NTM: variants seen among roughly 807,000 people sequenced by gnomAD.
NTM encodes the protein IgLON family member 2.
A neutral mutation model predicts 42.1 loss-of-function variants in NTM; 13 were observed. The ratio of observed to expected loss-of-function variants is 0.31; its 90% CI spans 0.20 to 0.49. NTM has a LOEUF of 0.49. NTM is among the 20% of genes least tolerant of loss of function. The probability of loss-of-function intolerance (pLI) is 0.99; values close to 1 mark genes in which losing one functional copy is unlikely to be tolerated. For synonymous variants in NTM, 187 were observed against 179.2 expected, an observed-to-expected ratio of 1.04 and a Z score of -0.35; for missense variants, 373 against 452.8, an observed-to-expected ratio of 0.82 and a Z score of 1.60.
chr11:131,836,717 T>G (rs2043542847), intron 1 of NTM, among the ~76,000 whole-genome samples: 1 of 152,210 alleles, frequency 6.6e-6, no homozygotes, highest in African/African-American at 2.4e-5. Context: ...GAAAAATGGT[T>G]TCATTCCTCA....
chr11:131,404,300 A>G (rs1945570051), intron 1 of NTM, among the ~76,000 whole-genome samples: 1 of 152,078 alleles, frequency 6.6e-6, no homozygotes, highest in African/African-American at 2.4e-5. Context: ...CCAATCTTTA[A>G]TCTACCTCTC....
intron 1 of NTM, among the ~76,000 whole-genome samples, chr11:131,693,813 C>A (rs777379478): frequency 1.3e-5 from 2 of 152,180 alleles, no homozygotes; most frequent in Non-Finnish European, 2.9e-5. Context: ...TCTCCACTGT[C>A]ATTTCCTCCA....
intron 1 of NTM, among the ~76,000 whole-genome samples, chr11:131,754,284 T>TA (rs777750198): frequency 8.6e-5 from 12 of 139,938 alleles, no homozygotes; most frequent in South Asian, 2.3e-4. Flanking sequence ...AAGTATAATT[T>TA]AAAAAAAAAA....
At chr11:132,292,310 G>A (rs1255677472) in intron 4 of NTM, among the ~76,000 whole-genome samples, 1 of 152,186 alleles carries the variant, frequency 6.6e-6, no homozygotes, top group Non-Finnish European at 1.5e-5. Context: ...TTTCTAAAAT[G>A]TAGGAGATAA....
At chr11:132,151,909 A>G (rs1340909227) in intron 3 of NTM, among the ~76,000 whole-genome samples, 3 of 152,202 alleles carry the variant, frequency 2.0e-5, no homozygotes, top group Non-Finnish European at 2.9e-5. Context: ...GTATGGCCAC[A>G]TCAGCCCCTA....
chr11:131,704,459 A>C (rs986770251), intron 1 of NTM, among the ~76,000 whole-genome samples: 1 of 152,194 alleles, frequency 6.6e-6, no homozygotes, highest in Admixed American at 6.5e-5. Context: ...CCCACCCAAA[A>C]TCTCTGTAGA....
chr11:132,235,619 A>C (rs2088661805), intron 4 of NTM, among the ~76,000 whole-genome samples: 1 of 152,064 alleles, frequency 6.6e-6, no homozygotes, highest in African/African-American at 2.4e-5. Flanking sequence ...CTTTTTATCA[A>C]TTAGCTGAGG....
At chr11:131,401,471 ATGT>A (rs1219576909) in intron 1 of NTM, among the ~76,000 whole-genome samples, 1 of 151,926 alleles carries the variant, frequency 6.6e-6, no homozygotes, top group Non-Finnish European at 1.5e-5. Flanking sequence ...CCTTCTCTTA[ATGT>A]TGTTATAAGC....
chr11:131,555,970 C>T (rs530666012), intron 1 of NTM, among the ~76,000 whole-genome samples: 5 of 152,220 alleles, frequency 3.3e-5, no homozygotes, highest in East Asian at 3.9e-4. Context: ...TGTTTATGAC[C>T]GAGAGGAAGT....
intron 4 of NTM, among the ~76,000 whole-genome samples, chr11:132,284,076 C>G (rs574777637): frequency 1.3e-5 from 2 of 152,260 alleles, no homozygotes; most frequent in East Asian, 3.9e-4. Flanking sequence ...GGGCCTCAGC[C>G]CCAGGATCCC....
rs1565551937 is a variant in NTM, at chr11:131,789,546, AAAAGAAGAAGAAGAAGAAG to A, written c.83-122015_83-121997del. On this transcript the variant is annotated intron_variant, in intron 1 of 8. Coordinates refer to ENST00000683400, the MANE Select transcript of NTM (RefSeq NM_001352005.2). ...GAAGAAGAAGAAGAAGAAGAAGAAG[AAAAGAAGAAGAAGAAGAAG>A]AAGAAGAAGAAGAAGAAGAAGAAGA... Among the ~76,000 whole-genome samples, 11 of 8,134 alleles carry A rather than the reference AAAAGAAGAAGAAGAAGAAG, an allele frequency of 1.4e-3. 3 individuals are homozygous for A. Among genetic ancestry groups the A allele is most frequent in the Admixed American group, 4.2e-3 (2 of 472 alleles). The allele number at this position is 8,134 out of a possible 152,430, so 5.3% of individuals were successfully genotyped here.
intron 2 of NTM, among the ~76,000 whole-genome samples, chr11:131,991,922 T>A (rs1380327855): frequency 2.6e-5 from 4 of 152,186 alleles, no homozygotes; most frequent in Non-Finnish European, 4.4e-5. Flanking sequence ...GAAGTCATAT[T>A]TTCATGAAGT....
chr11:131,905,469 C>A (rs908647098), intron 1 of NTM, among the ~76,000 whole-genome samples: 1 of 152,230 alleles, frequency 6.6e-6, no homozygotes, highest in African/African-American at 2.4e-5. Flanking sequence ...CGTCTTGGGT[C>A]GTGTAGCGTC....
intron 1 of NTM, among the ~76,000 whole-genome samples, chr11:131,768,442 T>C (rs1388444066): frequency 1.3e-5 from 2 of 152,128 alleles, no homozygotes; most frequent in Non-Finnish European, 2.9e-5. Flanking sequence ...CAGGACTAGT[T>C]TGAGCTGAAT....
At chr11:132,286,564 C>T (rs1216712359) in intron 4 of NTM, among the ~76,000 whole-genome samples, 1 of 152,122 alleles carries the variant, frequency 6.6e-6, no homozygotes, top group African/African-American at 2.4e-5. Flanking sequence ...CTTTGGCCCA[C>T]TTATTTTTGC....
At chr11:131,569,146 A>AT (rs34930353) in intron 1 of NTM, among the ~76,000 whole-genome samples, 11,282 of 137,322 alleles carry the variant, frequency 0.082, 1,434 homozygotes, top group African/African-American at 0.26. Flanking sequence ...TTTCGTTTTC[A>AT]TTTTTTTTTT....
chr11:131,803,211 G>C (rs1232831078), intron 1 of NTM, among the ~76,000 whole-genome samples: 1 of 152,064 alleles, frequency 6.6e-6, no homozygotes, highest in Non-Finnish European at 1.5e-5. Context: ...AGAGTTTCCT[G>C]GCATCTTCAC....
intron 1 of NTM, among the ~76,000 whole-genome samples, chr11:131,377,424 A>C (rs1192140747): frequency 6.6e-6 from 1 of 152,176 alleles, no homozygotes; most frequent in Non-Finnish European, 1.5e-5. Context: ...AGAAGATAAA[A>C]GGAGAATACC....
intron 1 of NTM, among the ~76,000 whole-genome samples, chr11:131,384,420 G>A (rs186921541): frequency 2.6e-5 from 4 of 152,330 alleles, no homozygotes; most frequent in Non-Finnish European, 4.4e-5. Context: ...GATCAAGGGA[G>A]ATTATACTTA....
Sources: gnomAD v4.1 joint callset for allele counts (sites outside exome capture counted in the v4.1 genomes callset) on GRCh38, gnomAD v4.1.1 for gene constraint, MANE v1.5 for transcripts, NCBI Gene and HGNC (gene_info 2026-07-23, HGNC 2026-07-21) for gene names.